The following GOT2 variants were observed in gnomAD, a reference collection of about 807,000 sequenced individuals.
GOT2 encodes the protein glutamic-oxaloacetic transaminase 2, also known as aspartate aminotransferase, mitochondrial.
GOT2 carries 17 observed loss-of-function variants against 50.0 expected under a neutral mutation model. The observed-to-expected ratio is 0.34, with a 90% CI of 0.23 to 0.51. GOT2 has a LOEUF of 0.51. GOT2 is among the 20% of genes least tolerant of loss of function. The pLI is 0.97. For missense variants in GOT2, 430 were observed against 559.6 expected (o/e 0.77, Z 2.34); for synonymous variants, 172 against 204.9 (o/e 0.84, Z 1.37).
rs574454769 is a variant in GOT2, at chr16:58,718,087, A to C, written c.702+109T>G. 84 of 810,582 alleles carry C rather than the reference A, an allele frequency of 1.0e-4. 1 individual carries two copies. The highest frequency in any genetic ancestry group is 6.8e-4 in the Admixed American group (37 of 54,228). 50.2% of individuals were successfully genotyped at this position (810,582 alleles called of 1,614,324 possible). A position where few individuals can be genotyped will look rare whatever the true frequency, so the allele number is the denominator to read the frequency against. Reference sequence around the variant, plus strand: ...TGGCAGCTTATCCACCTGTGTGGACATTTCACGCAGGTTCGAGGTTAAGAC... The same window carrying C: ...TGGCAGCTTATCCACCTGTGTGGACCTTTCACGCAGGTTCGAGGTTAAGAC... On this transcript the variant is annotated intron_variant, in intron 6 of 9. Coordinates refer to ENST00000245206, the MANE Select transcript of GOT2 (RefSeq NM_002080.4).
chr16:58,723,958 A>G, intron 1 of GOT2, 56 bp from the exon 2 acceptor site: 1 of 1,500,862 alleles, frequency 6.7e-7, no homozygotes, highest in Non-Finnish European at 9.2e-7. Flanking sequence ...GATCCATTTT[A>G]CTTATTTATT....
intron 6 of GOT2, 107 bp from the exon 7 acceptor site, chr16:58,716,920 G>T: frequency 2.1e-6 from 2 of 970,876 alleles, no homozygotes; most frequent in Non-Finnish European, 3.1e-6. Flanking sequence ...GTCCCAATAA[G>T]CACAATAAGC....
intron 9 of GOT2, 87 bp from the exon 10 acceptor site, chr16:58,708,380 G>T (rs944977463): frequency 4.7e-6 from 6 of 1,285,718 alleles, no homozygotes; most frequent in African/African-American, 3.0e-5. Flanking sequence ...ACTTACCAAC[G>T]CTCTATTTCC....
At chr16:58,724,598 T>G (rs1322916284) in intron 1 of GOT2, among the ~76,000 whole-genome samples, 1 of 152,208 alleles carries the variant, frequency 6.6e-6, no homozygotes, top group African/African-American at 2.4e-5. Context: ...TGGAGTGCAA[T>G]GACGTGATCT....
intron 1 of GOT2, among the ~76,000 whole-genome samples, chr16:58,729,052 A>G (rs2044811274): frequency 6.6e-6 from 1 of 151,692 alleles, no homozygotes; most frequent in Non-Finnish European, 1.5e-5. Flanking sequence ...TGCCATTATC[A>G]CCCTTCCCCC....
At chr16:58,724,450 A>G (rs2044767175) in intron 1 of GOT2, among the ~76,000 whole-genome samples, 1 of 152,124 alleles carries the variant, frequency 6.6e-6, no homozygotes, top group African/African-American at 2.4e-5. Context: ...CAGATAGTAC[A>G]GTCCCATATA....
At chr16:58,720,739 T>TGGC (rs1180363436) in intron 3 of GOT2, among the ~76,000 whole-genome samples, 1 of 151,876 alleles carries the variant, frequency 6.6e-6, no homozygotes, top group Non-Finnish European at 1.5e-5. Context: ...CCACCACACC[T>TGGC]GGCTAATTTT....
Position 58,718,399 on chromosome 16 carries a change from T to C in GOT2, c.598-99A>G. ...GTCATCATTTGATAAGTAACAAAGGTAACCAGAACCCTGGGAATCAGCTCT... is the reference window on the plus strand; with the variant it reads ...GTCATCATTTGATAAGTAACAAAGGCAACCAGAACCCTGGGAATCAGCTCT... On this transcript the variant is annotated intron_variant, in intron 5 of 9. Transcript: ENST00000245206. 6.7e-6 allele frequency: 9 copies of C among 1,341,922 alleles called. No individual in the cohort carries two copies. The South Asian group carries it at 1.0e-4, about 15-fold the overall frequency. 83.1% of individuals were successfully genotyped at this position (1,341,922 alleles called of 1,614,324 possible).
At chr16:58,714,316 C>T (rs897807046) in intron 8 of GOT2, among the ~76,000 whole-genome samples, 5 of 151,884 alleles carry the variant, frequency 3.3e-5, no homozygotes, top group African/African-American at 4.8e-5. Context: ...TTTGGGAGGC[C>T]GAGGCAGGTG....
chr16:58,733,520 A>C (rs2044851736), intron 1 of GOT2, among the ~76,000 whole-genome samples: 1 of 152,084 alleles, frequency 6.6e-6, no homozygotes, highest in Non-Finnish European at 1.5e-5. Flanking sequence ...CTACACCTCG[A>C]CCCTTTCCCA....
Position 58,708,308 on chromosome 16 carries a change from G to C in GOT2, c.1171-15C>G. The stretch of plus-strand genomic sequence containing the variant: ...AGCCGCTCCACCTGCAGAGAGGAAA[G>C]AACTTGGGTACCTCTTCCCGGTACA... On this transcript the variant is annotated splice_polypyrimidine_tract_variant and intron_variant, in intron 9 of 9. Transcript: ENST00000245206. 8 of 1,612,690 alleles carry C rather than the reference G, an allele frequency of 5.0e-6. No individual in the cohort carries two copies. Among genetic ancestry groups the C allele is most frequent in the Non-Finnish European group, 6.8e-6 (8 of 1,179,316 alleles).
intron 9 of GOT2, among the ~76,000 whole-genome samples, chr16:58,708,509 G>A (rs1162807393): frequency 6.6e-6 from 1 of 152,098 alleles, no homozygotes; most frequent in East Asian, 1.9e-4. Flanking sequence ...GGAGGCTAAG[G>A]CAGGAGAATA....
chr16:58,711,133 A>C (rs2044644888), intron 8 of GOT2, among the ~76,000 whole-genome samples: 1 of 152,126 alleles, frequency 6.6e-6, no homozygotes, highest in Non-Finnish European at 1.5e-5. Context: ...ATGAATCTAC[A>C]ATGAGCCAAG....
chr16:58,714,981 T>C (rs1485951292), intron 8 of GOT2, among the ~76,000 whole-genome samples: 1 of 152,000 alleles, frequency 6.6e-6, no homozygotes, highest in Non-Finnish European at 1.5e-5. Context: ...ATTTCTTATG[T>C]GGATTGTGGT....
At chr16:58,731,593 CTTTT>C (rs908644466) in intron 1 of GOT2, among the ~76,000 whole-genome samples, 3 of 151,738 alleles carry the variant, frequency 2.0e-5, no homozygotes, top group Non-Finnish European at 2.9e-5. Flanking sequence ...ACATTAGCAT[CTTTT>C]TTTTTCTTCA....
intron 1 of GOT2, among the ~76,000 whole-genome samples, chr16:58,730,415 C>A (rs1454758159): frequency 6.6e-6 from 1 of 150,896 alleles, no homozygotes; most frequent in Admixed American, 6.6e-5. Context: ...GACAGGGTCT[C>A]ACTCTGTCAC....
intron 8 of GOT2, among the ~76,000 whole-genome samples, chr16:58,711,513 T>C (rs30838): frequency 0.74 from 112,387 of 152,134 alleles, 42,226 homozygotes; most frequent in Middle Eastern, 0.9. Flanking sequence ...AATGATGTTA[T>C]GCACGGTTAG....
intron 1 of GOT2, among the ~76,000 whole-genome samples, chr16:58,728,121 T>C (rs1011258715): frequency 1.3e-5 from 2 of 152,178 alleles, no homozygotes; most frequent in African/African-American, 4.8e-5. Context: ...ATCGTTGTAA[T>C]TAATTAGTGT....
At position 58,722,365 on chromosome 16, in the gene GOT2, T is replaced by C. The variant is rs1430169811; in HGVS notation, c.247-87A>G. On this transcript the variant is annotated intron_variant, in intron 2 of 9. Coordinates refer to ENST00000245206, the MANE Select transcript of GOT2 (RefSeq NM_002080.4). ...TGTTTAAAGTTTTATAAGTTAAGTTTTGGAGGTAAAGTCTTTTTTTTTTGA... is the reference window on the plus strand; with the variant it reads ...TGTTTAAAGTTTTATAAGTTAAGTTCTGGAGGTAAAGTCTTTTTTTTTTGA... 18 of 1,402,962 alleles carry C rather than the reference T, an allele frequency of 1.3e-5. No homozygotes were observed. In the Admixed American group the frequency reaches 2.8e-4, roughly 22 times the overall value. The allele number at this position is 1,402,962 out of a possible 1,614,324, so 86.9% of individuals were successfully genotyped here.
Sources: gnomAD v4.1 joint callset for allele counts (sites outside exome capture counted in the v4.1 genomes callset) on GRCh38, gnomAD v4.1.1 for gene constraint, MANE v1.5 for transcripts, NCBI Gene and HGNC (gene_info 2026-07-23, HGNC 2026-07-21) for gene names.